The following PTPRN2 variants were observed in gnomAD, a reference collection of about 807,000 sequenced individuals.
PTPRN2 encodes the protein receptor-type tyrosine-protein phosphatase N2.
In PTPRN2, 74 loss-of-function variants were observed where a neutral mutation model predicts 118.8. The ratio of observed to expected loss-of-function variants is 0.62; its 90% CI spans 0.52 to 0.76. The LOEUF (loss-of-function observed/expected upper bound fraction) is 0.76, where lower values mean the gene tolerates loss of function less well. Among genes scored for constraint, PTPRN2 ranks in the 30% least tolerant of loss-of-function variants. The probability of loss-of-function intolerance (pLI) is 0.00; values close to 1 mark genes in which losing one functional copy is unlikely to be tolerated. For missense variants in PTPRN2, 1,481 were observed against 1,394.4 expected (o/e 1.06, Z -0.99); for synonymous variants, 641 against 608.0 (o/e 1.05, Z -0.80).
chr7:158,235,382 G>A (rs1272897931), intron 3 of PTPRN2, among the ~76,000 whole-genome samples: 2 of 152,126 alleles, frequency 1.3e-5, no homozygotes, highest in Non-Finnish European at 2.9e-5. Context: ...AGAAAATGCA[G>A]AATATATACA....
At chr7:158,213,498 T>C (rs1243537773) in intron 3 of PTPRN2, among the ~76,000 whole-genome samples, 1 of 152,186 alleles carries the variant, frequency 6.6e-6, no homozygotes. Context: ...CAACTTACTC[T>C]AAGCTGCTCT....
rs756456532 is a variant in PTPRN2 at position 158,489,756 on chromosome 7, C to A, written c.142G>T (p.Ala48Ser). 7.6e-6 allele frequency: 12 copies of A among 1,583,598 alleles called. No homozygotes were observed. Among genetic ancestry groups the A allele is most frequent in the Middle Eastern group, 1.9e-4 (1 of 5,298 alleles). ...GCLLEEGLCGASEACVNDGVF... is the reference protein window; with the variant it reads ...GCLLEEGLCGSSEACVNDGVF... ...TCACCGTTCACACAGGCCTCGGACG[C>A]TCCGCAGAGGCCCTCCTCGAGCAGG... The change falls in exon 2 of 23, where the codon GCG becomes TCG. Residue 48 changes from alanine (A) to serine (S), a missense_variant. Physicochemically the swap from Ala to Ser is moderately conservative, Grantham distance 99 (BLOSUM62 1). Around this residue, in one of 3 missense-constraint regions of PTPRN2, gnomAD observed 1,115 missense variants for 994.2 expected, o/e 1.12. Coordinates refer to ENST00000389418, the MANE Select transcript of PTPRN2 (RefSeq NM_002847.5).
chr7:158,394,435 G>C (rs980037849), intron 2 of PTPRN2, among the ~76,000 whole-genome samples: 1 of 152,242 alleles, frequency 6.6e-6, no homozygotes, highest in Non-Finnish European at 1.5e-5. Context: ...TGCTGTCCCA[G>C]CCTGCGACGG....
intron 3 of PTPRN2, among the ~76,000 whole-genome samples, chr7:158,241,280 C>T (rs1051252502): frequency 7.9e-5 from 12 of 152,142 alleles, no homozygotes; most frequent in South Asian, 4.1e-4. Flanking sequence ...TTTTGGGAGG[C>T]CAAGGGGGAG....
At chr7:158,312,898 G>A (rs552873753) in intron 3 of PTPRN2, among the ~76,000 whole-genome samples, 2 of 151,872 alleles carry the variant, frequency 1.3e-5, no homozygotes, top group East Asian at 3.9e-4. Context: ...GTGCAGGTGT[G>A]CATGCATGTG....
At chr7:157,781,010 C>T (rs1179357362) in intron 12 of PTPRN2, among the ~76,000 whole-genome samples, 1 of 152,188 alleles carries the variant, frequency 6.6e-6, no homozygotes, top group Admixed American at 6.5e-5. Context: ...CCACAATCAC[C>T]CCACATCCTG....
At chr7:158,041,099 C>A (rs1245667064) in intron 11 of PTPRN2, among the ~76,000 whole-genome samples, 1 of 152,110 alleles carries the variant, frequency 6.6e-6, no homozygotes, top group Admixed American at 6.5e-5. Flanking sequence ...GTCCGACACT[C>A]GGATCTAAAC....
chr7:158,059,333 A>G (rs553606505), intron 11 of PTPRN2, among the ~76,000 whole-genome samples: 2 of 134,166 alleles, frequency 1.5e-5, no homozygotes, highest in Non-Finnish European at 3.0e-5. Flanking sequence ...GTGACGCATC[A>G]CTGCAGCCAC....
chr7:157,829,631 A>G (rs936351583), intron 12 of PTPRN2, among the ~76,000 whole-genome samples: 1 of 152,246 alleles, frequency 6.6e-6, no homozygotes, highest in Non-Finnish European at 1.5e-5. Flanking sequence ...GGAAGGCGCC[A>G]CACTGTGAGC....
At chr7:158,300,539 C>T (rs2151044581) in intron 3 of PTPRN2, among the ~76,000 whole-genome samples, 1 of 152,404 alleles carries the variant, frequency 6.6e-6, no homozygotes, top group Admixed American at 6.5e-5. Context: ...AGAAGACACC[C>T]CAATCTGCAC....
At chr7:157,545,788 G>A (rs563513231) in intron 22 of PTPRN2, among the ~76,000 whole-genome samples, 15 of 152,226 alleles carry the variant, frequency 9.9e-5, no homozygotes, top group South Asian at 4.1e-4. Flanking sequence ...CATGGTCTCC[G>A]GGTGCTCACC....
At chr7:157,543,082 G>A (rs961114511) in intron 22 of PTPRN2, among the ~76,000 whole-genome samples, 2 of 152,178 alleles carry the variant, frequency 1.3e-5, no homozygotes, top group African/African-American at 4.8e-5. Flanking sequence ...GAAAACCCCA[G>A]CATTTGGATA....
chr7:158,261,513 C>T (rs1203057989), intron 3 of PTPRN2, among the ~76,000 whole-genome samples: 2 of 152,166 alleles, frequency 1.3e-5, no homozygotes, highest in Non-Finnish European at 2.9e-5. Context: ...CCCTGTCCTG[C>T]ACAGGTGAGA....
intron 2 of PTPRN2, among the ~76,000 whole-genome samples, chr7:158,371,808 C>T (rs1810017364): frequency 6.6e-6 from 1 of 152,146 alleles, no homozygotes; most frequent in African/African-American, 2.4e-5. Flanking sequence ...TAAATTACAC[C>T]ACATTAAAGA....
At chr7:158,071,732 G>GGTGGTGGTGCTC (rs1811814231) in intron 11 of PTPRN2, among the ~76,000 whole-genome samples, 1 of 121,368 alleles carries the variant, frequency 8.2e-6, no homozygotes, top group African/African-American at 4.3e-5. Flanking sequence ...AGGTGCTCGT[G>GGTGGTGGTGCTC]GTGGTGGAGG....
At chr7:158,352,888 T>C (rs1351330945) in intron 2 of PTPRN2, among the ~76,000 whole-genome samples, 1 of 152,260 alleles carries the variant, frequency 6.6e-6, no homozygotes, top group East Asian at 1.9e-4. Flanking sequence ...CCTGTTACTC[T>C]GTTTCTGGAA....
intron 2 of PTPRN2, among the ~76,000 whole-genome samples, chr7:158,372,712 G>C (rs1443304400): frequency 6.6e-6 from 1 of 152,242 alleles, no homozygotes; most frequent in African/African-American, 2.4e-5. Flanking sequence ...CCAGCATCTA[G>C]TCACCCTCTG....
chr7:157,758,765 A>AC (rs1245212758), intron 12 of PTPRN2, among the ~76,000 whole-genome samples: 1 of 151,242 alleles, frequency 6.6e-6, no homozygotes, highest in African/African-American at 2.4e-5. Flanking sequence ...TCCCCACGCT[A>AC]CCCCCCAACC....
chr7:157,910,281 G>A (rs902445840), intron 11 of PTPRN2, among the ~76,000 whole-genome samples: 3 of 150,686 alleles, frequency 2.0e-5, no homozygotes, highest in Non-Finnish European at 3.0e-5. Context: ...GACCACGCAC[G>A]TACGCCGGAT....
Sources: gnomAD v4.1 joint callset for allele counts (sites outside exome capture counted in the v4.1 genomes callset) on GRCh38, gnomAD v4.1.1 for gene constraint, gnomAD v4.1.1 regional missense constraint, MANE v1.5 for transcripts, NCBI Gene and HGNC (gene_info 2026-07-23, HGNC 2026-07-21) for gene names.